The following SIRT2 variants were observed in gnomAD, a reference collection of about 807,000 sequenced individuals.
SIRT2 encodes the protein NAD-dependent protein deacetylase sirtuin-2.
A neutral mutation model predicts 57.4 loss-of-function variants in SIRT2; 40 were observed. The observed-to-expected ratio is 0.70, with a 90% CI of 0.54 to 0.91. The LOEUF (loss-of-function observed/expected upper bound fraction) is 0.91. Among genes scored for constraint, SIRT2 ranks in the 40% least tolerant of loss-of-function variants. The probability of loss-of-function intolerance (pLI) is 0.00; values close to 1 mark genes in which losing one functional copy is unlikely to be tolerated. For synonymous variants in SIRT2, 161 were observed against 195.7 expected, an observed-to-expected ratio of 0.82 and a Z score of 1.48; for missense variants, 439 against 510.4, an observed-to-expected ratio of 0.86 and a Z score of 1.35.
chr19:38,879,217 TG>T lies in SIRT2; in HGVS notation c.1107del (p.Lys370ArgfsTer85). 1 of 1,592,648 alleles carries T rather than the reference TG, an allele frequency of 6.3e-7. No individual in the cohort carries two copies. Reference sequence around the variant, plus strand: ...TCCTTGGCAGGTGGCGGGGACTTCTTGGGGGAAGCTGAAGTGCTGGGGTTGG... The same window carrying T: ...TCCTTGGCAGGTGGCGGGGACTTCTTGGGGAAGCTGAAGTGCTGGGGTTGG... The part of the protein sequence containing the change: ...GVPNPSTSAS[P>X]KKSPPPAKDE... On this transcript the variant is annotated frameshift_variant, in exon 16 of 16. Transcript: ENST00000249396. LOFTEE classifies it high-confidence loss of function.
chr19:38,889,428 A>G, intron 7 of SIRT2: 1 of 674,898 alleles, frequency 1.5e-6, no homozygotes, highest in South Asian at 1.7e-5. Flanking sequence ...CCGGGCTCTC[A>G]ACGGCATCAT....
chr19:38,894,257 A>G (rs1051433882), intron 2 of SIRT2: 3 of 240,160 alleles, frequency 1.2e-5, no homozygotes, highest in Admixed American at 1.0e-4. Context: ...CCACCATGCC[A>G]GGCTCATTTT....
In SIRT2 at chr19:38,880,423, A is replaced by C. The variant is rs1973110728; in HGVS notation, c.876+262T>G. 3 of 366,260 alleles carry C rather than the reference A, an allele frequency of 8.2e-6. No homozygotes were observed. Among genetic ancestry groups the C allele is most frequent in the South Asian group, 6.6e-5 (1 of 15,252 alleles). The allele number at this position is 366,260 out of a possible 1,614,324, so 22.7% of individuals were successfully genotyped here. A position where few individuals can be genotyped will look rare whatever the true frequency, so the allele number is the denominator to read the frequency against. The stretch of plus-strand genomic sequence containing the variant: ...CCGCACTGTCTCTCCTGACCCCTGC[A>C]CCCCCTCCCACCTCCTCAGTCCCTG... On this transcript the variant is annotated intron_variant, in intron 13 of 15. Transcript: ENST00000249396. The surrounding 1 kb of genome is among the most constrained non-coding windows in gnomAD (Gnocchi z 4.1).
chr19:38,881,496 G>C lies in SIRT2; in HGVS notation c.632-5C>G, dbSNP rs761284450. On this transcript the variant is annotated splice_polypyrimidine_tract_variant and splice_region_variant and intron_variant, in intron 9 of 15. Coordinates refer to ENST00000249396, the MANE Select transcript of SIRT2 (RefSeq NM_012237.4). ...TCACCTCAGAGAAGATCTTCTCTGG[G>C]TATGGGGAAGGGGAAGAAAGAGAAG... 1 of 1,613,240 alleles carries C rather than the reference G, an allele frequency of 6.2e-7. No homozygotes were observed. The highest frequency in any genetic ancestry group is 1.7e-5 in the Admixed American group (1 of 59,990).
chr19:38,884,659 G>A (rs1434020679), intron 8 of SIRT2, among the ~76,000 whole-genome samples: 1 of 152,128 alleles, frequency 6.6e-6, no homozygotes, highest in Non-Finnish European at 1.5e-5. Context: ...ATGTTGGCTA[G>A]GCTGGTCTCG....
At chr19:38,889,030 G>A (rs958567799) in intron 8 of SIRT2, 57 bp downstream of exon 8, 8 of 1,516,416 alleles carry the variant, frequency 5.3e-6, no homozygotes, top group Non-Finnish European at 7.3e-6. Flanking sequence ...CTCTGCTGAG[G>A]ACACCATGCC....
intron 4 of SIRT2, among the ~76,000 whole-genome samples, chr19:38,892,753 G>A (rs1051660472): frequency 2.0e-5 from 3 of 149,190 alleles, no homozygotes; most frequent in Admixed American, 2.0e-4. Flanking sequence ...TTTTTTTCTT[G>A]TAGAGATGGC....
At chr19:38,889,261 G>T in intron 7 of SIRT2, 106 bp from the exon 8 acceptor site, 1 of 1,066,142 alleles carries the variant, frequency 9.4e-7, no homozygotes, top group Non-Finnish European at 1.5e-6. Flanking sequence ...TACCCCCAGG[G>T]AACCGTCACA....
chr19:38,884,171 A>G (rs1973253040), intron 8 of SIRT2, among the ~76,000 whole-genome samples: 1 of 150,492 alleles, frequency 6.6e-6, no homozygotes, highest in Non-Finnish European at 1.5e-5. Context: ...GCCCACAGCC[A>G]CTCCACAGCC....
At position 38,883,648 on chromosome 19, in the gene SIRT2, A is replaced by G; in HGVS notation, c.610T>C (p.Tyr204His). ...HCVSASCRHE[Y>H]PLSWMKEKIF... is the part of the protein sequence containing the mutation. ...TCACCTTTCATCCAGCTTAGCGGGTATTCGTGCCGGCAGCTGGCGCTGACG... is the reference window on the plus strand; with the variant it reads ...TCACCTTTCATCCAGCTTAGCGGGTGTTCGTGCCGGCAGCTGGCGCTGACG... Residue 204 changes from tyrosine (Y) to histidine (H), a missense_variant, in exon 9 of 16, where the codon TAC becomes CAC. Tyr to His is a moderately conservative substitution (Grantham distance 83). Coordinates refer to ENST00000249396, the MANE Select transcript of SIRT2 (RefSeq NM_012237.4). The G allele has an allele frequency of 6.2e-7, 1 of 1,614,026 alleles. No individual in the cohort carries two copies. Among genetic ancestry groups the G allele is most frequent in the Non-Finnish European group, 8.5e-7 (1 of 1,179,898 alleles).
intron 2 of SIRT2, chr19:38,894,549 GT>G: frequency 3.4e-6 from 1 of 293,744 alleles, no homozygotes; most frequent in South Asian, 3.2e-5. Flanking sequence ...TCTTCCCTTC[GT>G]TCCCGGGTCC....
At chr19:38,879,526 TC>T (rs1174394054) in intron 14 of SIRT2, 26 bp from the exon 15 acceptor site, 1 of 1,592,048 alleles carries the variant, frequency 6.3e-7, no homozygotes, top group African/African-American at 1.3e-5. Flanking sequence ...AGATCAGAGT[TC>T]CCAGGCGGGC....
chr19:38,893,549 A>G, intron 3 of SIRT2, 22 bp from the exon 4 acceptor site: 1 of 1,552,728 alleles, frequency 6.4e-7, no homozygotes, highest in Non-Finnish European at 8.9e-7. Context: ...GAAGAGAGAC[A>G]GCGGCAGGAC....
chr19:38,897,632 C>T (rs929220446), intron 2 of SIRT2, among the ~76,000 whole-genome samples: 2 of 152,090 alleles, frequency 1.3e-5, no homozygotes, highest in African/African-American at 4.8e-5. Flanking sequence ...AAGCAATCCT[C>T]CCCCAACTCA....
intron 2 of SIRT2, chr19:38,894,218 T>C (rs1973644361): frequency 3.5e-6 from 1 of 288,998 alleles, no homozygotes; most frequent in South Asian, 5.0e-5. Context: ...CACCTCAGCC[T>C]CCCAAGTAGC....
intron 2 of SIRT2, among the ~76,000 whole-genome samples, chr19:38,895,195 G>A (rs1357006240): frequency 6.6e-6 from 1 of 151,566 alleles, no homozygotes; most frequent in Non-Finnish European, 1.5e-5. Context: ...CCTCTCCTCC[G>A]GGGGTCCTGC....
In SIRT2 at chr19:38,878,995, G is replaced by A; in HGVS notation, c.*160C>T. ...TGTTAGAGATTTGCTGGGGTTGGGGGCCAGGGTTGCTGGGACCCCAGTTTT... is the reference window on the plus strand; with the variant it reads ...TGTTAGAGATTTGCTGGGGTTGGGGACCAGGGTTGCTGGGACCCCAGTTTT... On this transcript the variant is annotated 3_prime_UTR_variant, in exon 16 of 16. Transcript: ENST00000249396. The A allele has an allele frequency of 1.5e-6, 1 of 675,366 alleles. No individual in the cohort carries two copies. Among genetic ancestry groups the A allele is most frequent in the Non-Finnish European group, 2.4e-6 (1 of 421,914 alleles). The allele number at this position is 675,366 out of a possible 1,614,324, so 41.8% of individuals were successfully genotyped here.
At chr19:38,893,739 G>A (rs1973622227) in intron 3 of SIRT2, 80 bp downstream of exon 3, 2 of 1,524,640 alleles carry the variant, frequency 1.3e-6, no homozygotes, top group African/African-American at 1.4e-5. Context: ...TGGAGTTGAG[G>A]AGGTATCACC....
At chr19:38,882,907 C>T (rs1973199893) in intron 9 of SIRT2, among the ~76,000 whole-genome samples, 1 of 152,030 alleles carries the variant, frequency 6.6e-6, no homozygotes, top group African/African-American at 2.4e-5. Context: ...ATTCAGGAAT[C>T]CTCAGCCCAG....
Sources: allele counts gnomAD v4.1 joint callset (sites outside exome capture counted in the v4.1 genomes callset), GRCh38; gene constraint gnomAD v4.1.1; non-coding constraint Gnocchi (gnomAD v3.1); transcripts MANE v1.5; gene names NCBI Gene and HGNC (gene_info 2026-07-23, HGNC 2026-07-21).